Variants in UTP20 observed in about 807,000 individuals in gnomAD.
The protein encoded by UTP20 is small subunit processome component 20 homolog.
UTP20 carries 164 observed loss-of-function variants against 329.5 expected under a neutral mutation model. The ratio of observed to expected loss-of-function variants is 0.50; its 90% CI spans 0.44 to 0.57. UTP20 has a LOEUF of 0.57. Among genes scored for constraint, UTP20 ranks in the 20% least tolerant of loss-of-function variants. The pLI, the probability that UTP20 is intolerant of heterozygous loss-of-function variation, is 0.00. For synonymous variants in UTP20, 1,151 were observed against 1,159.3 expected, an observed-to-expected ratio of 0.99 and a Z score of 0.14; for missense variants, 3,055 against 3,284.2, an observed-to-expected ratio of 0.93 and a Z score of 1.71.
chr12:101,373,059 A>G, intron 52 of UTP20, 96 bp downstream of exon 52: 1 of 1,010,660 alleles, frequency 9.9e-7, no homozygotes, highest in South Asian at 1.3e-5. Flanking sequence ...CCTAAGTATA[A>G]TGGTACATTC....
chr12:101,284,272 T>C (rs2137227326), intron 2 of UTP20, among the ~76,000 whole-genome samples: 1 of 152,218 alleles, frequency 6.6e-6, no homozygotes, highest in East Asian at 1.9e-4. Flanking sequence ...TCCACAGTGT[T>C]CATTGTTCTT....
In UTP20 at chr12:101,286,367, C is replaced by T. The variant is rs1215046089; in HGVS notation, c.373C>T (p.His125Tyr). Residue 125 changes from histidine (H) to tyrosine (Y), a missense_variant, in exon 5 of 62, where the codon CAC becomes TAC. This residue lies in a region of UTP20 where 2,445 missense variants were observed against 2,575.5 expected (regional missense o/e 0.95). Transcript: ENST00000261637. ...AGATCTGCAGATGGATTTCTACCCACACTTTCCAGAGTTTTTTTTGACTAT... is the reference window on the plus strand; with the variant it reads ...AGATCTGCAGATGGATTTCTACCCATACTTTCCAGAGTTTTTTTTGACTAT... ...ARDLQMDFYPHFPEFFLTITS... is the reference protein window; with the variant it reads ...ARDLQMDFYPYFPEFFLTITS... 1.2e-6 allele frequency: 2 copies of T among 1,613,746 alleles called. No individual in the cohort carries two copies. The highest frequency in any genetic ancestry group is 2.2e-5 in the East Asian group (1 of 44,876).
At position 101,327,043 on chromosome 12, in the gene UTP20, TTAATGTGCAAACAAA is replaced by T. The variant is rs760561561; in HGVS notation, c.3042-29_3042-15del. ...AAATAAAACAACTCATATTTTAGAA[TTAATGTGCAAACAAA>T]TAATGTGCTTTTGCCTTTTCAGAAT... On this transcript the variant is annotated intron_variant, in intron 25 of 61. Coordinates refer to ENST00000261637, the MANE Select transcript of UTP20 (RefSeq NM_014503.3). 6 of 1,561,068 alleles carry T rather than the reference TTAATGTGCAAACAAA, an allele frequency of 3.8e-6. No homozygotes were observed. In the East Asian group the frequency reaches 1.4e-4, roughly 36 times the overall value.
intron 45 of UTP20, among the ~76,000 whole-genome samples, chr12:101,364,274 A>C (rs1015762193): frequency 1.3e-5 from 2 of 152,140 alleles, no homozygotes; most frequent in Non-Finnish European, 2.9e-5. Context: ...TTTACAAAGA[A>C]ATTCATTTTA....
intron 29 of UTP20, among the ~76,000 whole-genome samples, chr12:101,337,605 T>G (rs1868975043): frequency 6.6e-6 from 1 of 152,216 alleles, no homozygotes; most frequent in Non-Finnish European, 1.5e-5. Flanking sequence ...AACTCCTATG[T>G]TCTAGTACAT....
intron 60 of UTP20, among the ~76,000 whole-genome samples, 196 bp downstream of exon 60, chr12:101,383,865 T>A (rs187180508): frequency 2.0e-5 from 3 of 150,466 alleles, no homozygotes; most frequent in African/African-American, 4.9e-5. Context: ...CACACATACA[T>A]TTAAAAAAGA....
intron 18 of UTP20, among the ~76,000 whole-genome samples, chr12:101,309,243 A>G (rs2137250454): frequency 6.6e-6 from 1 of 152,312 alleles, no homozygotes; most frequent in East Asian, 1.9e-4. Context: ...CCCCATCCCT[A>G]AATAATAATA....
chr12:101,289,122 A>G, intron 6 of UTP20, 81 bp downstream of exon 6: 1 of 1,258,676 alleles, frequency 7.9e-7, no homozygotes, highest in Non-Finnish European at 1.1e-6. Context: ...CATGCCTGTA[A>G]TCCCAACACC....
intron 25 of UTP20, among the ~76,000 whole-genome samples, chr12:101,325,479 G>A (rs1868523011): frequency 6.6e-6 from 1 of 152,194 alleles, no homozygotes; most frequent in African/African-American, 2.4e-5. Context: ...TAGTACCCTA[G>A]CACATGAATC....
At chr12:101,309,739 T>C (rs765055875) in intron 18 of UTP20, 24 bp from the exon 19 acceptor site, 3 of 1,607,048 alleles carry the variant, frequency 1.9e-6, no homozygotes, top group Non-Finnish European at 2.6e-6. Context: ...TACCCAATAC[T>C]AAACTAGTCT....
In UTP20 at chr12:101,340,630, T is replaced by G. The variant is rs1869091868; in HGVS notation, c.4101+20T>G. ...GCTGAGGTACAAACTCATAGGACAC[T>G]TAACTTTGTCTCTAGAGTGGCACTT... On this transcript the variant is annotated intron_variant, in intron 32 of 61. Coordinates refer to ENST00000261637, the MANE Select transcript of UTP20 (RefSeq NM_014503.3). 3 of 1,539,740 alleles carry G rather than the reference T, an allele frequency of 1.9e-6. No homozygotes were observed. The highest frequency in any genetic ancestry group is 2.7e-6 in the Non-Finnish European group (3 of 1,117,610).
chr12:101,352,042 A>G lies in UTP20; in HGVS notation c.4885-13A>G, dbSNP rs543433443. On this transcript the variant is annotated splice_polypyrimidine_tract_variant and intron_variant, in intron 38 of 61. Transcript: ENST00000261637. ...TACTTGTTCTGCATTGATGTTCTTGATTTGTTTTACAGCATGAAAATATAA... is the reference window on the plus strand; with the variant it reads ...TACTTGTTCTGCATTGATGTTCTTGGTTTGTTTTACAGCATGAAAATATAA... 2 of 1,611,898 alleles carry G rather than the reference A, an allele frequency of 1.2e-6. No homozygotes were observed. The highest frequency in any genetic ancestry group is 1.7e-6 in the Non-Finnish European group (2 of 1,179,630).
Position 101,356,034 on chromosome 12 carries a change from T to A in UTP20, c.5395-520T>A, listed in dbSNP as rs936438794. ...TTCTTACACCTGTTATTTTTATAAT[T>A]TTTAAAGGGTTATCCTCAAATTAGA... is the stretch of plus-strand genomic sequence containing the variant. On this transcript the variant is annotated intron_variant, in intron 41 of 61. Transcript: ENST00000261637. 6.6e-5 allele frequency among the ~76,000 whole-genome samples: 10 copies of A among 152,356 alleles called. No individual in the cohort carries two copies. In the East Asian group the frequency reaches 9.6e-4, roughly 15 times the overall value.
At chr12:101,312,351 A>G (rs1188323663) in intron 21 of UTP20, 75 bp downstream of exon 21, 1 of 1,545,454 alleles carries the variant, frequency 6.5e-7, no homozygotes, top group Non-Finnish European at 8.7e-7. Flanking sequence ...AACCTCCCAA[A>G]GTGGCTGAGT....
intron 19 of UTP20, among the ~76,000 whole-genome samples, chr12:101,310,182 C>A (rs539115934): frequency 6.6e-6 from 1 of 152,026 alleles, no homozygotes; most frequent in Non-Finnish European, 1.5e-5. Context: ...TATTTTGAGT[C>A]ATTGAGCCAT....
rs536269021 is a variant in UTP20, at chr12:101,323,092, AGAT to A, written c.3041+1467_3041+1469del. Reference sequence around the variant, plus strand: ...CATACAAGTTTTTGAAAGAAAATTGAGATGATATTTTATAAAACGTTTTATAAC... The same window carrying A: ...CATACAAGTTTTTGAAAGAAAATTGAGATATTTTATAAAACGTTTTATAAC... On this transcript the variant is annotated intron_variant, in intron 25 of 61. Coordinates refer to ENST00000261637, the MANE Select transcript of UTP20 (RefSeq NM_014503.3). Among the ~76,000 whole-genome samples, 484 of 152,318 alleles carry A rather than the reference AGAT, an allele frequency of 3.2e-3. 1 individual carries two copies. Among genetic ancestry groups the A allele is most frequent in the South Asian group, 0.015 (71 of 4,822 alleles).
chr12:101,305,892 G>A, intron 15 of UTP20, 23 bp from the exon 16 acceptor site: 1 of 1,579,244 alleles, frequency 6.3e-7, no homozygotes, highest in Non-Finnish European at 8.6e-7. Flanking sequence ...TACAGTTTGG[G>A]TCTAATGAAC....
chr12:101,311,675 G>A, intron 19 of UTP20, 44 bp from the exon 20 acceptor site: 1 of 1,497,588 alleles, frequency 6.7e-7, no homozygotes. Context: ...ATCTTAAAAT[G>A]GCCATACCAC....
intron 18 of UTP20, among the ~76,000 whole-genome samples, chr12:101,308,603 T>A (rs1872699302): frequency 6.6e-6 from 1 of 152,034 alleles, no homozygotes; most frequent in Non-Finnish European, 1.5e-5. Context: ...TAGAAATGAG[T>A]AAGCAGGGGC....
Sources: allele counts gnomAD v4.1 joint callset (sites outside exome capture counted in the v4.1 genomes callset), GRCh38; gene constraint gnomAD v4.1.1; regional missense constraint gnomAD v4.1.1; transcripts MANE v1.5; gene names NCBI Gene and HGNC (gene_info 2026-07-23, HGNC 2026-07-21).